The following CMC2 variants were observed in gnomAD, a reference collection of about 807,000 sequenced individuals.
CMC2 encodes the protein COX assembly mitochondrial protein 2 homolog.
A neutral mutation model predicts 7.5 loss-of-function variants in CMC2; 5 were observed. The ratio of observed to expected loss-of-function variants is 0.66; its 90% CI spans 0.35 to 1.40. CMC2 has a LOEUF of 1.40. CMC2 is among the 40% of genes most tolerant of loss of function. The pLI is 0.04. For missense variants in CMC2, 115 were observed against 92.3 expected (o/e 1.25, Z -1.01); for synonymous variants, 37 against 31.4 (o/e 1.18, Z -0.60).
At chr16:81,004,494 A>C (rs1257607601) in intron 1 of CMC2, among the ~76,000 whole-genome samples, 1 of 152,198 alleles carries the variant, frequency 6.6e-6, no homozygotes, top group Non-Finnish European at 1.5e-5. Flanking sequence ...TTAAGAAAAC[A>C]TCAAAAAGGT....
Position 81,006,857 on chromosome 16 carries a change from C to CCTCCACCG in CMC2, c.-167_-160dup. ...GCCAGACGCCGAAACCCAGTGACGC[C>CCTCCACCG]CTCCACCGCTCCACCGTGCTCCCGG... On this transcript the variant is annotated 5_prime_UTR_variant, in exon 1 of 4. Coordinates refer to ENST00000219400, the MANE Select transcript of CMC2 (RefSeq NM_020188.5). The CCTCCACCG allele has an allele frequency of 2.0e-6, 2 of 985,944 alleles. No individual in the cohort carries two copies. The highest frequency in any genetic ancestry group is 2.4e-6 in the Non-Finnish European group (2 of 830,350). 61.1% of individuals were successfully genotyped at this position (985,944 alleles called of 1,614,324 possible).
At chr16:80,991,421 G>A (rs760148488) in intron 2 of CMC2, among the ~76,000 whole-genome samples, 1 of 152,132 alleles carries the variant, frequency 6.6e-6, no homozygotes, top group Admixed American at 6.6e-5. Context: ...GATTGCTTGA[G>A]CCCAGGAGTT....
At chr16:80,995,927 A>G (rs1188076333) in intron 2 of CMC2, among the ~76,000 whole-genome samples, 1 of 152,194 alleles carries the variant, frequency 6.6e-6, no homozygotes, top group Non-Finnish European at 1.5e-5. Context: ...TTACACCTCA[A>G]TAAAGTTAAT....
rs1911890144 is a variant in CMC2 at position 80,971,250 on chromosome 16, G to C, written c.*4843C>G. The C allele has an allele frequency of 6.6e-6, 1 of 151,932 alleles. No homozygotes were observed. Among genetic ancestry groups the C allele is most frequent in the South Asian group, 2.1e-4 (1 of 4,822 alleles). 9.4% of individuals were successfully genotyped at this position (151,932 alleles called of 1,614,324 possible). ...TTACAGCCCAATAATTAAAATCCTA[G>C]GTTTATACCTAAAAACACTCTCCCA... On this transcript the variant is annotated 3_prime_UTR_variant, in exon 4 of 4. Transcript: ENST00000219400.
rs1205766013 is a variant in CMC2 at position 80,981,792 on chromosome 16, G to C, written c.153+14C>G. On this transcript the variant is annotated intron_variant, in intron 3 of 3. Transcript: ENST00000219400. The stretch of plus-strand genomic sequence containing the variant: ...TATTGTTCAACCATATCCATCCTTT[G>C]ACACTTTTCTTACCTCATTCTTCAG... The C allele has an allele frequency of 6.4e-7, 1 of 1,558,760 alleles. No individual in the cohort carries two copies. The highest frequency in any genetic ancestry group is 8.8e-7 in the Non-Finnish European group (1 of 1,132,574).
chr16:80,986,819 A>G (rs1261470625), intron 2 of CMC2, among the ~76,000 whole-genome samples: 1 of 152,268 alleles, frequency 6.6e-6, no homozygotes, highest in East Asian at 1.9e-4. Flanking sequence ...TTGGTGGAAC[A>G]GTTAAGTCCA....
intron 2 of CMC2, 98 bp downstream of exon 2, chr16:80,997,216 C>A: frequency 1.3e-6 from 1 of 765,474 alleles, no homozygotes; most frequent in East Asian, 2.5e-5. Flanking sequence ...CTTACTAAGA[C>A]ATTATCGTTT....
chr16:80,991,838 A>G (rs943634523), intron 2 of CMC2: 26 of 427,800 alleles, frequency 6.1e-5, no homozygotes, highest in African/African-American at 4.5e-4. Context: ...GCATTCTACC[A>G]AATACCTGGC....
At chr16:80,986,841 A>G (rs1967579392) in intron 2 of CMC2, among the ~76,000 whole-genome samples, 1 of 152,266 alleles carries the variant, frequency 6.6e-6, no homozygotes, top group South Asian at 2.1e-4. Context: ...TATCTAGCTG[A>G]GATAAACCTG....
At chr16:80,999,518 C>A (rs763248293) in intron 1 of CMC2, among the ~76,000 whole-genome samples, 3 of 152,014 alleles carry the variant, frequency 2.0e-5, no homozygotes, top group Non-Finnish European at 2.9e-5. Flanking sequence ...CAACACTACT[C>A]CTATCAAACT....
At position 80,966,893 on chromosome 16, in the gene CMC2, GTTTAT is replaced by G. The variant is rs531430052; in HGVS notation, c.*9195_*9199del. 1.9e-3 allele frequency: 203 copies of G among 108,676 alleles called. No homozygotes were observed. Among genetic ancestry groups the G allele is most frequent in the African/African-American group, 9.2e-3 (191 of 20,704 alleles). 6.7% of individuals were successfully genotyped at this position (108,676 alleles called of 1,614,324 possible). On this transcript the variant is annotated 3_prime_UTR_variant, in exon 4 of 4. Coordinates refer to ENST00000219400, the MANE Select transcript of CMC2 (RefSeq NM_020188.5). ...TATACCTTTGTGTAAATGCATCATT[GTTTAT>G]TTAACTACTGTCCTATTCGTAGACA...
At chr16:80,992,215 T>C (rs149290739) in intron 2 of CMC2, among the ~76,000 whole-genome samples, 1 of 152,282 alleles carries the variant, frequency 6.6e-6, no homozygotes, top group African/African-American at 2.4e-5. Context: ...AAAACAGCTG[T>C]ATAGTGCTCC....
chr16:80,994,022 G>C (rs982018483), intron 2 of CMC2, among the ~76,000 whole-genome samples: 2 of 152,132 alleles, frequency 1.3e-5, no homozygotes, highest in Admixed American at 1.3e-4. Context: ...AAACAGACTA[G>C]AGAGCCCAGA....
At chr16:80,992,355 T>C (rs1359307627) in intron 2 of CMC2, among the ~76,000 whole-genome samples, 9 of 152,234 alleles carry the variant, frequency 5.9e-5, no homozygotes, top group Admixed American at 5.9e-4. Context: ...GTTAGAGTTA[T>C]ACTTTTAAGA....
intron 2 of CMC2, chr16:80,982,789 T>C (rs62054248): frequency 0.058 from 8,859 of 153,078 alleles, 378 homozygotes; most frequent in East Asian, 0.21. Flanking sequence ...ACTACAATTA[T>C]CCACTTATAA....
In CMC2 at chr16:80,970,403, G is replaced by T. The variant is rs536909582; in HGVS notation, c.*5690C>A. ...ATATGGGAAGGCACACTAGAAGGAG[G>T]TGCAGTAGAGGTTGAGCAAGTCTAT... On this transcript the variant is annotated 3_prime_UTR_variant, in exon 4 of 4. Transcript: ENST00000219400. The T allele has an allele frequency of 6.6e-6, 1 of 152,174 alleles. No homozygotes were observed. 9.4% of individuals were successfully genotyped at this position (152,174 alleles called of 1,614,324 possible). A position where few individuals can be genotyped will look rare whatever the true frequency, so the allele number is the denominator to read the frequency against.
intron 1 of CMC2, among the ~76,000 whole-genome samples, chr16:81,001,648 T>C (rs368043399): frequency 6.6e-6 from 1 of 152,152 alleles, no homozygotes; most frequent in African/African-American, 2.4e-5. Context: ...CCATGCGAAT[T>C]TTATGGTATG....
intron 1 of CMC2, among the ~76,000 whole-genome samples, chr16:81,000,681 A>G (rs1968801674): frequency 6.6e-6 from 1 of 152,210 alleles, no homozygotes; most frequent in African/African-American, 2.4e-5. Context: ...GGCTATTACT[A>G]AAAAGTCAAA....
At chr16:80,981,771 G>T (rs774451974) in intron 3 of CMC2, 35 bp downstream of exon 3, 1 of 1,374,512 alleles carries the variant, frequency 7.3e-7, no homozygotes, top group Non-Finnish European at 1.0e-6. Flanking sequence ...CTGTTCTATT[G>T]TTCAACCATA....
Sources: gnomAD v4.1 joint callset for allele counts (sites outside exome capture counted in the v4.1 genomes callset) on GRCh38, gnomAD v4.1.1 for gene constraint, MANE v1.5 for transcripts, NCBI Gene and HGNC (gene_info 2026-07-23, HGNC 2026-07-21) for gene names.